The following UGGT2 variants were observed in gnomAD, a reference collection of about 807,000 sequenced individuals.
UGGT2 encodes UDP-glucose glycoprotein glucosyltransferase 2.
In UGGT2, 180 loss-of-function variants were observed where a neutral mutation model predicts 192.1. The observed-to-expected ratio is 0.94, with a 90% confidence interval of 0.83 to 1.06. The LOEUF is 1.06. Ranked by LOEUF, UGGT2 falls within the 50% of genes least tolerant of loss-of-function variation. The probability of loss-of-function intolerance (pLI) is 0.00; values close to 1 mark genes in which losing one functional copy is unlikely to be tolerated. For synonymous variants in UGGT2, 580 were observed against 591.0 expected (o/e 0.98, Z 0.27); for missense variants, 1,849 against 1,795.7 (o/e 1.03, Z -0.54).
intron 1 of UGGT2, 57 bp from the exon 2 acceptor site, chr13:96,032,028 C>T: frequency 2.3e-6 from 3 of 1,300,740 alleles, no homozygotes; most frequent in South Asian, 2.7e-5. Flanking sequence ...GGTTTAGATA[C>T]TATAAACTGT....
chr13:95,959,913 G>C (rs1000268140), intron 12 of UGGT2, among the ~76,000 whole-genome samples: 1 of 152,078 alleles, frequency 6.6e-6, no homozygotes, highest in Admixed American at 6.6e-5. Context: ...TGGCCCAACT[G>C]GTGTCCCACA....
At chr13:95,986,996 T>A (rs1204175396) in intron 8 of UGGT2, among the ~76,000 whole-genome samples, 1 of 152,150 alleles carries the variant, frequency 6.6e-6, no homozygotes, top group Admixed American at 6.6e-5. Context: ...GAAGAATTCA[T>A]CTTAGTATTA....
At chr13:96,023,559 A>C in intron 3 of UGGT2, 70 bp downstream of exon 3, 4 of 1,448,580 alleles carry the variant, frequency 2.8e-6, no homozygotes, top group Non-Finnish European at 3.7e-6. Flanking sequence ...AAAGATGTTC[A>C]TATTAAAGAA....
At chr13:95,949,261 G>T in intron 13 of UGGT2, 74 bp downstream of exon 13, 1 of 1,292,960 alleles carries the variant, frequency 7.7e-7, no homozygotes, top group Non-Finnish European at 1.0e-6. Context: ...CCTATTCATT[G>T]ACAGAAGGAT....
chr13:95,916,043 C>G (rs750910175), intron 20 of UGGT2, among the ~76,000 whole-genome samples: 3 of 152,220 alleles, frequency 2.0e-5, no homozygotes, highest in Admixed American at 6.5e-5. Context: ...CCTGCTCCAC[C>G]AACAAGCAGC....
intron 27 of UGGT2, among the ~76,000 whole-genome samples, chr13:95,883,953 C>G (rs147407149): frequency 6.7e-6 from 1 of 150,274 alleles, no homozygotes; most frequent in African/African-American, 2.4e-5. Context: ...AGGGTCATAC[C>G]GGGGGTGATG....
rs189037270 is a variant in UGGT2 at position 95,985,143 on chromosome 13, A to G, written c.1031+1190T>C. ...GCTAATCAACTGTCTGATCAAGACT[A>G]AAGTTATTTTACTTTATTTGTATTT... On this transcript the variant is annotated intron_variant, in intron 9 of 38. Transcript: ENST00000376747. The G allele has an allele frequency of 1.8e-4, 99 of 557,694 alleles. 1 individual carries two copies. The Middle Eastern group carries it at 4.9e-3, about 28-fold the overall frequency. The allele number at this position is 557,694 out of a possible 1,614,324, so 34.5% of individuals were successfully genotyped here.
At chr13:95,858,036 G>C (rs1309727497) in intron 33 of UGGT2, among the ~76,000 whole-genome samples, 1 of 150,224 alleles carries the variant, frequency 6.7e-6, no homozygotes, top group African/African-American at 2.5e-5. Flanking sequence ...ATGAGCATAG[G>C]AGGAGACACT....
intron 6 of UGGT2, among the ~76,000 whole-genome samples, chr13:95,997,675 A>G (rs1352173696): frequency 6.6e-6 from 1 of 152,162 alleles, no homozygotes; most frequent in Non-Finnish European, 1.5e-5. Context: ...TGAAGTCTTT[A>G]GAAGAAATGA....
At chr13:95,811,032 A>G (rs1425354695) in intron 38 of UGGT2, among the ~76,000 whole-genome samples, 1 of 152,224 alleles carries the variant, frequency 6.6e-6, no homozygotes, top group Non-Finnish European at 1.5e-5. Context: ...CATCAGGGAA[A>G]TGCAAATCAA....
chr13:95,895,272 T>G lies in UGGT2; in HGVS notation c.2667A>C (p.Ala889=), dbSNP rs771943066. 1 of 1,534,570 alleles carries G rather than the reference T, an allele frequency of 6.5e-7. No individual in the cohort carries two copies. Among genetic ancestry groups the G allele is most frequent in the Admixed American group, 2.0e-5 (1 of 50,090 alleles). ...TCTTTTCCAACAAGTAAAAATCTTC[T>G]GCATAAAAATCTTCATCTAAAGGTC... is the stretch of plus-strand genomic sequence containing the variant. ...FLGPLDEDFY[A]EDFYLLEKIT... is the part of the protein sequence containing the mutation. Residue 889 remains alanine (A), a synonymous_variant, in exon 23 of 39, where the codon GCA becomes GCC. Coordinates refer to ENST00000376747, the MANE Select transcript of UGGT2 (RefSeq NM_020121.4).
chr13:95,816,299 A>C (rs1214024540), intron 38 of UGGT2, among the ~76,000 whole-genome samples: 2 of 152,222 alleles, frequency 1.3e-5, no homozygotes, highest in Non-Finnish European at 2.9e-5. Context: ...GAGGAAGTAC[A>C]GCAATTGGAA....
chr13:96,014,205 C>G (rs1340405052), intron 4 of UGGT2, among the ~76,000 whole-genome samples: 1 of 152,032 alleles, frequency 6.6e-6, no homozygotes, highest in Non-Finnish European at 1.5e-5. Context: ...GAAAGCAAAC[C>G]AAGAGATAAG....
At position 95,896,406 on chromosome 13, in the gene UGGT2, G is replaced by A. The variant is rs182165260; in HGVS notation, c.2635-1102C>T. 1.4e-4 allele frequency among the ~76,000 whole-genome samples: 22 copies of A among 152,012 alleles called. No individual in the cohort carries two copies. The East Asian group carries it at 3.7e-3, about 25-fold the overall frequency. On this transcript the variant is annotated intron_variant, in intron 22 of 38. Transcript: ENST00000376747. Reference sequence around the variant, plus strand: ...AAAAATGGGCACTATAATACTAAAAGTACTCATATAAACATTTCATTGTCT... The same window carrying A: ...AAAAATGGGCACTATAATACTAAAAATACTCATATAAACATTTCATTGTCT...
chr13:95,930,752 G>C (rs189070456), intron 17 of UGGT2, among the ~76,000 whole-genome samples: 2 of 152,068 alleles, frequency 1.3e-5, no homozygotes, highest in African/African-American at 4.8e-5. Flanking sequence ...GTGGACCCTC[G>C]CGGTGAGTGT....
At chr13:95,915,495 A>C (rs1362845869) in intron 20 of UGGT2, among the ~76,000 whole-genome samples, 20 of 152,266 alleles carry the variant, frequency 1.3e-4, no homozygotes. Flanking sequence ...AAACATAGTC[A>C]CTCAAATACT....
chr13:95,895,339 T>C lies in UGGT2; in HGVS notation c.2635-35A>G, dbSNP rs774792785. 3 of 1,238,700 alleles carry C rather than the reference T, an allele frequency of 2.4e-6. No homozygotes were observed. The African/African-American group carries it at 4.8e-5, about 20-fold the overall frequency. 76.7% of individuals were successfully genotyped at this position (1,238,700 alleles called of 1,614,324 possible). On this transcript the variant is annotated intron_variant, in intron 22 of 38. Transcript: ENST00000376747. ...AAAACAGTTATATTATCATATATCT[T>C]CTAGAAGATATCAGTTTAGGAAAAA...
chr13:95,823,862 A>G (rs1885752593), intron 38 of UGGT2, among the ~76,000 whole-genome samples: 2 of 151,740 alleles, frequency 1.3e-5, no homozygotes, highest in African/African-American at 4.8e-5. Context: ...TGAGTTTTTT[A>G]TTTTTTATTT....
At chr13:95,833,088 C>A (rs748152364) in intron 37 of UGGT2, 35 bp from the exon 38 acceptor site, 16 of 1,602,104 alleles carry the variant, frequency 1.0e-5, no homozygotes, top group South Asian at 1.1e-5. Flanking sequence ...AATGAAAGAC[C>A]ATGCTCCTGG....
Sources: gnomAD v4.1 joint callset for allele counts (sites outside exome capture counted in the v4.1 genomes callset) on GRCh38, gnomAD v4.1.1 for gene constraint, MANE v1.5 for transcripts, NCBI Gene and HGNC (gene_info 2026-07-23, HGNC 2026-07-21) for gene names.